The following RIT2 variants were observed in gnomAD, a reference collection of about 807,000 sequenced individuals.
The protein encoded by RIT2 is GTP-binding protein Rit2.
A neutral mutation model predicts 23.7 loss-of-function variants in RIT2; 24 were observed. The observed-to-expected ratio is 1.01, with a 90% confidence interval of 0.73 to 1.43. RIT2 has a LOEUF of 1.43. Ranked by LOEUF, RIT2 falls within the 40% of genes most tolerant of loss-of-function variation. The probability of loss-of-function intolerance (pLI) is 0.00; values close to 1 mark genes in which losing one functional copy is unlikely to be tolerated. For synonymous variants in RIT2, 107 were observed against 91.1 expected, an observed-to-expected ratio of 1.17 and a Z score of -0.99; for missense variants, 236 against 266.9, an observed-to-expected ratio of 0.88 and a Z score of 0.81.
At chr18:42,917,440 G>C (rs1283045530) in intron 4 of RIT2, among the ~76,000 whole-genome samples, 1 of 151,988 alleles carries the variant, frequency 6.6e-6, no homozygotes, top group Non-Finnish European at 1.5e-5. Flanking sequence ...CTGTAATCTT[G>C]TCACTTGCCA....
At chr18:42,897,129 G>A (rs1348552761) in intron 4 of RIT2, among the ~76,000 whole-genome samples, 1 of 152,182 alleles carries the variant, frequency 6.6e-6, no homozygotes, top group Non-Finnish European at 1.5e-5. Context: ...AGAAAGCAAT[G>A]AAAGAATGTG....
chr18:43,103,253 G>T (rs1269391761), intron 1 of RIT2, among the ~76,000 whole-genome samples: 1 of 151,996 alleles, frequency 6.6e-6, no homozygotes, highest in African/African-American at 2.4e-5. Flanking sequence ...TACTACATAT[G>T]CCCGGTGTCT....
At chr18:42,924,756 T>C (rs964733066) in intron 3 of RIT2, among the ~76,000 whole-genome samples, 3 of 152,044 alleles carry the variant, frequency 2.0e-5, no homozygotes, top group South Asian at 2.1e-4. Flanking sequence ...CTTCTTTACC[T>C]AGCAAAGTGT....
At chr18:43,107,770 C>T (rs907104908) in intron 1 of RIT2, among the ~76,000 whole-genome samples, 7 of 152,122 alleles carry the variant, frequency 4.6e-5, no homozygotes, top group African/African-American at 1.4e-4. Context: ...CCACTCACTA[C>T]CCCATCTAAT....
At chr18:43,052,005 T>C (rs1912394839) in intron 1 of RIT2, among the ~76,000 whole-genome samples, 1 of 152,084 alleles carries the variant, frequency 6.6e-6, no homozygotes, top group Non-Finnish European at 1.5e-5. Flanking sequence ...AGTCAGAGAA[T>C]ATACCCAGGA....
chr18:43,027,906 A>ATT (rs1911770108), intron 2 of RIT2, among the ~76,000 whole-genome samples: 1 of 152,116 alleles, frequency 6.6e-6, no homozygotes, highest in Admixed American at 6.6e-5. Context: ...TCTAACTTAG[A>ATT]TAACAGGGGA....
intron 2 of RIT2, among the ~76,000 whole-genome samples, chr18:43,030,641 G>A (rs1471633341): frequency 5.3e-5 from 8 of 151,950 alleles, no homozygotes; most frequent in African/African-American, 9.7e-5. Context: ...ATTGGAGATG[G>A]GTGTGGCTTA....
intron 2 of RIT2, among the ~76,000 whole-genome samples, chr18:43,017,590 T>A (rs2144261757): frequency 6.6e-6 from 1 of 152,134 alleles, no homozygotes; most frequent in South Asian, 2.1e-4. Flanking sequence ...GATAACATTG[T>A]TTTTATTACA....
At chr18:42,879,011 C>T (rs934843660) in intron 4 of RIT2, among the ~76,000 whole-genome samples, 1 of 152,042 alleles carries the variant, frequency 6.6e-6, no homozygotes. Context: ...TATGTACTTA[C>T]CACTAATTCA....
intron 1 of RIT2, among the ~76,000 whole-genome samples, chr18:43,070,926 A>C (rs1912882931): frequency 6.6e-6 from 1 of 152,192 alleles, no homozygotes; most frequent in Non-Finnish European, 1.5e-5. Context: ...ATCATCCCTT[A>C]GACCTTGTAA....
At chr18:42,888,578 T>C (rs948698647) in intron 4 of RIT2, among the ~76,000 whole-genome samples, 1 of 151,428 alleles carries the variant, frequency 6.6e-6, no homozygotes, top group Admixed American at 6.6e-5. Context: ...CAAAAGAAAA[T>C]AAATCACTCT....
At position 43,071,626 on chromosome 18, in the gene RIT2, T is replaced by G. The variant is rs1598771023; in HGVS notation, c.104-37759A>C. On this transcript the variant is annotated intron_variant, in intron 1 of 4. Transcript: ENST00000326695. ...TCAAGGTGTTGTTAATGATTATCAA[T>G]ACTTTAAAATTACAGTATTATTTTC... 4.6e-5 allele frequency among the ~76,000 whole-genome samples: 7 copies of G among 152,342 alleles called. No homozygotes were observed. The South Asian group carries it at 1.4e-3, about 32-fold the overall frequency.
chr18:42,758,944 G>A (rs1291361960), intron 4 of RIT2, among the ~76,000 whole-genome samples: 26 of 152,078 alleles, frequency 1.7e-4, no homozygotes, highest in Admixed American at 1.5e-3. Context: ...AACTCCTACA[G>A]TTCCCAAGCC....
At chr18:42,927,383 T>C (rs1909209665) in intron 3 of RIT2, among the ~76,000 whole-genome samples, 1 of 151,356 alleles carries the variant, frequency 6.6e-6, no homozygotes, top group Non-Finnish European at 1.5e-5. Flanking sequence ...TGTGTGTGTG[T>C]GTGTGTGTGT....
chr18:42,889,898 T>C (rs1467262497), intron 4 of RIT2, among the ~76,000 whole-genome samples: 1 of 152,092 alleles, frequency 6.6e-6, no homozygotes, highest in African/African-American at 2.4e-5. Context: ...TCACCATTCA[T>C]TTAACCAGAC....
chr18:42,752,311 GAATTTTAAGTAAAATTA>G (rs909796433), intron 4 of RIT2, among the ~76,000 whole-genome samples: 4 of 151,968 alleles, frequency 2.6e-5, no homozygotes, highest in Admixed American at 2.0e-4. Flanking sequence ...TTGTCTATCT[GAATTTTAAGTAAAATTA>G]AATTTTAAGT....
chr18:42,941,063 C>T (rs1909589342), intron 3 of RIT2, among the ~76,000 whole-genome samples: 1 of 152,090 alleles, frequency 6.6e-6, no homozygotes, highest in Non-Finnish European at 1.5e-5. Context: ...TGACATTATT[C>T]AGCAGAAGAG....
intron 3 of RIT2, among the ~76,000 whole-genome samples, chr18:42,962,858 T>C (rs1363044607): frequency 6.6e-6 from 1 of 152,148 alleles, no homozygotes; most frequent in Non-Finnish European, 1.5e-5. Flanking sequence ...TCACAAATGG[T>C]CTGCAGGACA....
At chr18:43,090,643 A>G (rs1963588935) in intron 1 of RIT2, among the ~76,000 whole-genome samples, 1 of 152,132 alleles carries the variant, frequency 6.6e-6, no homozygotes, top group South Asian at 2.1e-4. Context: ...TAGACTGGAT[A>G]AAGAGATTGT....
Sources: allele counts gnomAD v4.1 joint callset (sites outside exome capture counted in the v4.1 genomes callset), GRCh38; gene constraint gnomAD v4.1.1; transcripts MANE v1.5; gene names NCBI Gene and HGNC (gene_info 2026-07-23, HGNC 2026-07-21).